MCM2: variants seen among roughly 807,000 people sequenced by gnomAD.
MCM2 encodes the protein minichromosome maintenance complex component 2, also known as DNA replication licensing factor MCM2.
MCM2 carries 49 observed loss-of-function variants against 86.4 expected under a neutral mutation model. That is an observed-to-expected ratio of 0.57 (90% CI 0.45 to 0.72). The LOEUF (loss-of-function observed/expected upper bound fraction) is 0.72. MCM2 is among the 30% of genes least tolerant of loss of function. The pLI is 0.00. For synonymous variants in MCM2, 475 were observed against 484.6 expected (o/e 0.98, Z 0.26); for missense variants, 1,038 against 1,259.9 (o/e 0.82, Z 2.67).
At position 127,605,122 on chromosome 3, in the gene MCM2, C is replaced by T. The variant is rs778087235; in HGVS notation, c.639C>T (p.Asn213=). ...LRTHVDSHGH[N]VFKERISDMC... ...CTCACGTCGACAGCCACGGCCACAA[C>T]GTCTTCAAGGAGCGCATCAGCGACA... The change falls in exon 4 of 16, where the codon AAC becomes AAT. Residue 213 remains asparagine (N), a synonymous_variant. Coordinates refer to ENST00000265056, the MANE Select transcript of MCM2 (RefSeq NM_004526.4). 33 of 1,614,044 alleles carry T rather than the reference C, an allele frequency of 2.0e-5. No individual in the cohort carries two copies. The highest frequency in any genetic ancestry group is 1.6e-4 in the Middle Eastern group (1 of 6,084).
intron 8 of MCM2, among the ~76,000 whole-genome samples, chr3:127,610,086 C>T (rs1318717425): frequency 6.6e-6 from 1 of 152,044 alleles, no homozygotes; most frequent in Non-Finnish European, 1.5e-5. Context: ...TCAGGTGATC[C>T]GCTTGCCTCA....
chr3:127,615,864 C>T lies in MCM2; in HGVS notation c.1431C>T (p.Ile477=), dbSNP rs763350052. The part of the protein sequence containing the change: ...LSKDQQIGEK[I]FASIAPSIYG... ...GTCGGTCTCCCTCCCTTTCTCAGAT[C>T]TTTGCCAGCATTGCTCCTTCCATCT... The change falls in exon 9 of 16, where the codon ATC becomes ATT. Residue 477 remains isoleucine, a splice_region_variant and synonymous_variant. Transcript: ENST00000265056. The T allele has an allele frequency of 4.3e-6, 7 of 1,612,750 alleles. No homozygotes were observed. The Admixed American group carries it at 5.0e-5, about 12-fold the overall frequency.
intron 8 of MCM2, chr3:127,611,055 A>C (rs1380359061): frequency 1.4e-5 from 6 of 432,960 alleles, no homozygotes; most frequent in Non-Finnish European, 2.8e-5. Flanking sequence ...AATAGGAAAT[A>C]GACAAGATCT....
chr3:127,621,912 G>A lies in MCM2; in HGVS notation c.*139G>A. 1.7e-6 allele frequency: 1 copy of A among 603,160 alleles called. No individual in the cohort carries two copies. The allele number at this position is 603,160 out of a possible 1,614,324, so 37.4% of individuals were successfully genotyped here. ...AGGGCTTATAGCAGGATGTCTGGCTGCACCTGGCATGACTGTTTGTTTCTC... is the reference window on the plus strand; with the variant it reads ...AGGGCTTATAGCAGGATGTCTGGCTACACCTGGCATGACTGTTTGTTTCTC... On this transcript the variant is annotated 3_prime_UTR_variant, in exon 16 of 16. Transcript: ENST00000265056.
rs561448081 is a variant in MCM2 at position 127,618,509 on chromosome 3, C to G, written c.2013+428C>G. Among the ~76,000 whole-genome samples, 39 of 152,304 alleles carry G rather than the reference C, an allele frequency of 2.6e-4. No homozygotes were observed. The highest frequency in any genetic ancestry group is 9.1e-4 in the African/African-American group (38 of 41,572). On this transcript the variant is annotated intron_variant, in intron 12 of 15. Transcript: ENST00000265056. This position sits in a 1 kb window ranked among gnomAD's most constrained non-coding sequence, Gnocchi z 4.0. The stretch of plus-strand genomic sequence containing the variant: ...TAGAATCCAGGGTCCTCCCCTCCGG[C>G]CCGCACCCGCCATCTCTGCAGCTAC...
intron 1 of MCM2, 139 bp downstream of exon 1, chr3:127,598,611 G>T (rs1289687305): frequency 2.0e-5 from 24 of 1,208,756 alleles, no homozygotes; most frequent in Non-Finnish European, 2.5e-5. Flanking sequence ...CTACTTTCTC[G>T]CCTGCACCCT....
rs893293 is a variant in MCM2, at chr3:127,604,987, C to T, written c.504C>T (p.Ile168=). The T allele has an allele frequency of 0.73, 1,174,692 of 1,613,788 alleles. 431,880 individuals are homozygous for T. The highest frequency in any genetic ancestry group is 0.76 in the Non-Finnish European group (897,614 of 1,179,882). ...ACGGCGAGGAGGACGAGGAGATGAT[C>T]GAGAGCATCGAGAACCTGGAGGATC... ...TEDGEEDEEM[I]ESIENLEDLK... Residue 168 remains isoleucine (I), a synonymous_variant, in exon 4 of 16, where the codon ATC becomes ATT. Transcript: ENST00000265056.
intron 6 of MCM2, 55 bp from the exon 7 acceptor site, chr3:127,608,327 A>G (rs1210777493): frequency 1.3e-6 from 2 of 1,595,436 alleles, no homozygotes; most frequent in African/African-American, 1.3e-5. Flanking sequence ...TCGGGGGTCA[A>G]GGTTAGGTGA....
At chr3:127,599,857 C>T (rs1347508871) in intron 2 of MCM2, among the ~76,000 whole-genome samples, 1 of 152,162 alleles carries the variant, frequency 6.6e-6, no homozygotes, top group Non-Finnish European at 1.5e-5. Context: ...AGCAGGAAGC[C>T]CAGTGTTTCC....
At chr3:127,602,306 C>G (rs1237045255) in intron 2 of MCM2, among the ~76,000 whole-genome samples, 1 of 151,980 alleles carries the variant, frequency 6.6e-6, no homozygotes, top group Non-Finnish European at 1.5e-5. Context: ...TGATATCTGC[C>G]TGGCTGGGTT....
chr3:127,621,794 G>A lies in MCM2; in HGVS notation c.*21G>A. ...TCTGAGGCCCTATGCCATCCATAAGGATTCCTTGGGATTCTGGTTTGGGGT... is the reference window on the plus strand; with the variant it reads ...TCTGAGGCCCTATGCCATCCATAAGAATTCCTTGGGATTCTGGTTTGGGGT... On this transcript the variant is annotated 3_prime_UTR_variant, in exon 16 of 16. Transcript: ENST00000265056. The A allele has an allele frequency of 1.3e-6, 2 of 1,585,552 alleles. No homozygotes were observed. The highest frequency in any genetic ancestry group is 1.7e-6 in the Non-Finnish European group (2 of 1,155,564).
chr3:127,620,206 G>A (rs1302723777), intron 13 of MCM2, among the ~76,000 whole-genome samples: 1 of 152,218 alleles, frequency 6.6e-6, no homozygotes, highest in Non-Finnish European at 1.5e-5. Context: ...CAGCTTGCAA[G>A]CCATGGGAAT....
Position 127,608,918 on chromosome 3 carries a change from C to CAA in MCM2, c.1324_1325dup (p.Asn442LysfsTer13). On this transcript the variant is annotated frameshift_variant, in exon 8 of 16. Coordinates refer to ENST00000265056, the MANE Select transcript of MCM2 (RefSeq NM_004526.4). LOFTEE classifies it high-confidence loss of function. ...CTGTCTTTGCCACTGTCATCCTAGC[C>CAA]AACCACGTGGCCAAGAAGGACAACA... The CAA allele has an allele frequency of 6.2e-7, 1 of 1,614,150 alleles. No homozygotes were observed. The highest frequency in any genetic ancestry group is 8.5e-7 in the Non-Finnish European group (1 of 1,180,024).
In MCM2 at chr3:127,620,819, G is replaced by C. The variant is rs776421182; in HGVS notation, c.2387G>C (p.Arg796Pro). The change falls in exon 14 of 16, where the codon CGC (arginine) becomes CCC (proline). Residue 796 changes from arginine (R) to proline (P), a missense_variant. Around this residue, in one of 4 missense-constraint regions of MCM2, gnomAD observed 336 missense variants for 425.7 expected, o/e 0.79. Coordinates refer to ENST00000265056, the MANE Select transcript of MCM2 (RefSeq NM_004526.4). Reference protein sequence around the residue: ...VIEDDVNMAIRVMLESFIDTQ... With the variant: ...VIEDDVNMAIPVMLESFIDTQ... ...GAAGACGACGTCAACATGGCCATCC[G>C]CGTGATGCTGGAGAGCTTCATAGAC... is the stretch of plus-strand genomic sequence containing the variant. 2 of 1,613,908 alleles carry C rather than the reference G, an allele frequency of 1.2e-6. No individual in the cohort carries two copies. The highest frequency in any genetic ancestry group is 1.7e-5 in the Admixed American group (1 of 60,002).
Position 127,598,417 on chromosome 3 carries a change from G to C in MCM2, c.-50G>C. The C allele has an allele frequency of 1.2e-6, 2 of 1,613,150 alleles. No individual in the cohort carries two copies. The highest frequency in any genetic ancestry group is 1.7e-6 in the Non-Finnish European group (2 of 1,179,412). On this transcript the variant is annotated 5_prime_UTR_variant, in exon 1 of 16. Transcript: ENST00000265056. ...TGGTGGGTCACGTGAACCACTTTTC[G>C]CGCGAAACCTGGTTGTTGCTGTAGT...
At chr3:127,609,047 G>A in intron 8 of MCM2, 24 bp downstream of exon 8, 1 of 1,610,406 alleles carries the variant, frequency 6.2e-7, no homozygotes, top group South Asian at 1.1e-5. Flanking sequence ...AGGGGCAGGG[G>A]CTGTCAGGAT....
At position 127,617,924 on chromosome 3, in the gene MCM2, G is replaced by A. The variant is rs367691385; in HGVS notation, c.1901-45G>A. ...GCAGCCTGGGGTCCCTGAGATGGGA[G>A]GATAGGGGAATCCACCCTGATGGAG... On this transcript the variant is annotated intron_variant, in intron 11 of 15. Transcript: ENST00000265056. The surrounding 1 kb of genome is among the most constrained non-coding windows in gnomAD (Gnocchi z 4.1). The A allele has an allele frequency of 1.4e-6, 2 of 1,477,548 alleles. No individual in the cohort carries two copies. The highest frequency in any genetic ancestry group is 1.9e-6 in the Non-Finnish European group (2 of 1,065,424). 91.5% of individuals were successfully genotyped at this position (1,477,548 alleles called of 1,614,324 possible).
In MCM2 at chr3:127,604,776, C is replaced by G; in HGVS notation, c.405C>G (p.Leu135=). The change falls in exon 3 of 16, where the codon CTC becomes CTG. Residue 135 remains leucine, a synonymous_variant. Coordinates refer to ENST00000265056, the MANE Select transcript of MCM2 (RefSeq NM_004526.4). ...GRGLGRMRRG[L]LYDSDEEDEE... ...GCCTGGGCCGCATGCGCCGTGGGCT[C>G]CTGTATGGTAGGTCCAGTTGTCTGC... is the stretch of plus-strand genomic sequence containing the variant. 34 of 1,589,862 alleles carry G rather than the reference C, an allele frequency of 2.1e-5. No individual in the cohort carries two copies. Among genetic ancestry groups the G allele is most frequent in the Non-Finnish European group, 2.8e-5 (33 of 1,168,372 alleles).
Position 127,618,990 on chromosome 3 carries a change from C to T in MCM2, c.2014-37C>T. 1.9e-6 allele frequency: 3 copies of T among 1,540,762 alleles called. No individual in the cohort carries two copies. The highest frequency in any genetic ancestry group is 1.2e-5 in the South Asian group (1 of 80,346). ...ACTGACCTCCCCAAAGCCACGCACACCCACAATCAGACCCACCCTCTCATG... is the reference window on the plus strand; with the variant it reads ...ACTGACCTCCCCAAAGCCACGCACATCCACAATCAGACCCACCCTCTCATG... On this transcript the variant is annotated intron_variant, in intron 12 of 15. Transcript: ENST00000265056. The surrounding 1 kb of genome is among the most constrained non-coding windows in gnomAD (Gnocchi z 4.0).
Sources: allele counts gnomAD v4.1 joint callset (sites outside exome capture counted in the v4.1 genomes callset), GRCh38; gene constraint gnomAD v4.1.1; regional missense constraint gnomAD v4.1.1; non-coding constraint Gnocchi (gnomAD v3.1); transcripts MANE v1.5; gene names NCBI Gene and HGNC (gene_info 2026-07-23, HGNC 2026-07-21).